The following KYNU variants were observed in gnomAD, a reference collection of about 807,000 sequenced individuals.
KYNU encodes the protein L-kynurenine hydrolase.
KYNU carries 54 observed loss-of-function variants against 59.2 expected under a neutral mutation model. The ratio of observed to expected loss-of-function variants is 0.91; its 90% CI spans 0.73 to 1.14. The LOEUF (loss-of-function observed/expected upper bound fraction) is 1.14. Ranked by LOEUF, KYNU falls within the 50% of genes most tolerant of loss-of-function variation. KYNU has a pLI of 0.00. For missense variants in KYNU, 567 were observed against 554.4 expected, an observed-to-expected ratio of 1.02 and a Z score of -0.23; for synonymous variants, 177 against 192.0, an observed-to-expected ratio of 0.92 and a Z score of 0.65.
intron 2 of KYNU, among the ~76,000 whole-genome samples, chr2:142,899,303 T>C (rs918295185): frequency 6.6e-6 from 1 of 152,198 alleles, no homozygotes; most frequent in African/African-American, 2.4e-5. Context: ...AGGCGATATA[T>C]GATTTGACTG....
At chr2:142,914,332 G>A (rs1316071479) in intron 2 of KYNU, among the ~76,000 whole-genome samples, 1 of 152,166 alleles carries the variant, frequency 6.6e-6, no homozygotes, top group Non-Finnish European at 1.5e-5. Flanking sequence ...CTTTCTTGTT[G>A]AATCCCAACA....
chr2:143,033,263 G>T lies in KYNU; in HGVS notation c.983G>T (p.Gly328Val). 6.2e-7 allele frequency: 1 copy of T among 1,613,516 alleles called. No individual in the cohort carries two copies. Among genetic ancestry groups the T allele is most frequent in the Non-Finnish European group, 8.5e-7 (1 of 1,179,456 alleles). The change falls in exon 12 of 14, where the codon GGA (glycine) becomes GTA (valine). Residue 328 changes from glycine to valine, a missense_variant. Transcript: ENST00000264170. ...CTGCAGTTAATCCCTGGGGTCTGTG[G>T]ATTCCGAATTTCAAATCCTCCCATT... ...NKLQLIPGVCGFRISNPPILL... is the reference protein window; with the variant it reads ...NKLQLIPGVCVFRISNPPILL...
chr2:142,935,237 C>T (rs1573809105), intron 4 of KYNU, among the ~76,000 whole-genome samples: 1 of 152,136 alleles, frequency 6.6e-6, no homozygotes, highest in African/African-American at 2.4e-5. Context: ...CTTATGACTT[C>T]AGTTAAACAA....
At chr2:142,940,156 C>T (rs1378748375) in intron 4 of KYNU, among the ~76,000 whole-genome samples, 1 of 152,136 alleles carries the variant, frequency 6.6e-6, no homozygotes, top group Non-Finnish European at 1.5e-5. Context: ...TTGTTAGAAG[C>T]CAATTCTAAA....
At position 143,040,658 on chromosome 2, in the gene KYNU, TGTAA is replaced by T. The variant is rs1238567048; in HGVS notation, c.1272+4_1272+7del. 5 of 1,587,108 alleles carry T rather than the reference TGTAA, an allele frequency of 3.2e-6. No homozygotes were observed. Among genetic ancestry groups the T allele is most frequent in the Non-Finnish European group, 4.3e-6 (5 of 1,160,584 alleles). On this transcript the variant is annotated splice_donor_variant and splice_donor_region_variant and intron_variant, in intron 13 of 13. Transcript: ENST00000264170. LOFTEE classifies it high-confidence loss of function. ...AAGAACTAGAAAAAAGAGGAGTGGT[TGTAA>T]GTATGTCTTGCTTTGCTACCAGATT...
intron 8 of KYNU, among the ~76,000 whole-genome samples, chr2:142,962,964 A>T (rs1684399028): frequency 6.6e-6 from 1 of 152,142 alleles, no homozygotes; most frequent in African/African-American, 2.4e-5. Context: ...AATTCTAAGA[A>T]CAAAGGGCAT....
intron 4 of KYNU, among the ~76,000 whole-genome samples, chr2:142,951,409 G>A (rs754711041): frequency 2.0e-5 from 3 of 152,190 alleles, no homozygotes; most frequent in Non-Finnish European, 4.4e-5. Context: ...CAAAAAATTA[G>A]CTGGATGTCA....
At chr2:142,960,500 C>G (rs568001812) in intron 7 of KYNU, 124 bp from the exon 8 acceptor site, 138 of 758,774 alleles carry the variant, frequency 1.8e-4, no homozygotes, top group Admixed American at 9.0e-4. Context: ...TTTAAAGAAC[C>G]TTAATCTGAA....
At chr2:142,915,683 C>A (rs746810880) in intron 2 of KYNU, among the ~76,000 whole-genome samples, 3 of 152,120 alleles carry the variant, frequency 2.0e-5, no homozygotes, top group Non-Finnish European at 2.9e-5. Flanking sequence ...AGGAGCATTC[C>A]AGAAGAATGG....
intron 1 of KYNU, among the ~76,000 whole-genome samples, chr2:142,883,643 G>T (rs1162354496): frequency 6.6e-6 from 1 of 151,928 alleles, no homozygotes; most frequent in Non-Finnish European, 1.5e-5. Context: ...TTGTTGCCAG[G>T]TTCCTCCAGG....
intron 8 of KYNU, among the ~76,000 whole-genome samples, chr2:142,979,855 A>G (rs1302825409): frequency 2.0e-5 from 3 of 152,118 alleles, no homozygotes; most frequent in African/African-American, 7.2e-5. Context: ...ACCCCAAGAG[A>G]GGGTTCTTGG....
chr2:143,002,408 C>G (rs910109066), intron 10 of KYNU, among the ~76,000 whole-genome samples: 28 of 152,122 alleles, frequency 1.8e-4, no homozygotes, highest in African/African-American at 6.8e-4. Flanking sequence ...TCCCTTGTTT[C>G]TTTCATATTT....
chr2:143,031,544 TG>T (rs763003840), intron 11 of KYNU, among the ~76,000 whole-genome samples: 2 of 151,466 alleles, frequency 1.3e-5, no homozygotes, highest in Admixed American at 6.6e-5. Context: ...GGTGACATAG[TG>T]AGACCTTGTC....
At chr2:143,012,032 G>A (rs1686118103) in intron 10 of KYNU, among the ~76,000 whole-genome samples, 1 of 142,654 alleles carries the variant, frequency 7.0e-6, no homozygotes, top group African/African-American at 2.6e-5. Flanking sequence ...CCTGCACAAT[G>A]TGCACATATA....
intron 8 of KYNU, among the ~76,000 whole-genome samples, chr2:142,969,185 C>T (rs1684637613): frequency 6.6e-6 from 1 of 152,080 alleles, no homozygotes; most frequent in South Asian, 2.1e-4. Context: ...CACAAACACA[C>T]ACATATATAT....
chr2:142,913,333 T>A (rs887346949), intron 2 of KYNU, among the ~76,000 whole-genome samples: 1 of 152,228 alleles, frequency 6.6e-6, no homozygotes, highest in South Asian at 2.1e-4. Flanking sequence ...CTTAGCACTA[T>A]AAGTTTTCCT....
chr2:142,944,488 G>A (rs1355497939), intron 4 of KYNU, among the ~76,000 whole-genome samples: 1 of 152,158 alleles, frequency 6.6e-6, no homozygotes, highest in Non-Finnish European at 1.5e-5. Context: ...GACATTTATT[G>A]CAGTGAGTCA....
chr2:142,927,313 T>C (rs1218724226), intron 3 of KYNU, among the ~76,000 whole-genome samples: 1 of 152,208 alleles, frequency 6.6e-6, no homozygotes, highest in Non-Finnish European at 1.5e-5. Flanking sequence ...TTAGTATAGA[T>C]ACTACATTCT....
At chr2:143,027,172 C>T (rs1445421943) in intron 10 of KYNU, among the ~76,000 whole-genome samples, 1 of 152,088 alleles carries the variant, frequency 6.6e-6, no homozygotes, top group Non-Finnish European at 1.5e-5. Context: ...TCTTGGTGTA[C>T]TTCAAATAGT....
Sources: allele counts gnomAD v4.1 joint callset (sites outside exome capture counted in the v4.1 genomes callset), GRCh38; gene constraint gnomAD v4.1.1; transcripts MANE v1.5; gene names NCBI Gene and HGNC (gene_info 2026-07-23, HGNC 2026-07-21).